FGF14: variants seen among roughly 807,000 people sequenced by gnomAD.
FGF14 encodes the protein fibroblast growth factor homologous factor 4.
In FGF14, 5 loss-of-function variants were observed where a neutral mutation model predicts 25.5. The observed-to-expected ratio is 0.20, with a 90% confidence interval of 0.10 to 0.41. The LOEUF (loss-of-function observed/expected upper bound fraction) is 0.41. Ranked by LOEUF, FGF14 falls within the 10% of genes least tolerant of loss-of-function variation. The pLI is 1.00. For missense variants in FGF14, 222 were observed against 320.1 expected (o/e 0.69, Z 2.34); for synonymous variants, 138 against 118.3 (o/e 1.17, Z -1.08).
At chr13:101,764,260 T>C (rs1342095416) in intron 3 of FGF14, among the ~76,000 whole-genome samples, 1 of 152,116 alleles carries the variant, frequency 6.6e-6, no homozygotes, top group Admixed American at 6.6e-5. Flanking sequence ...CTGCTGGAGG[T>C]CTCTAAGCTT....
At chr13:102,084,691 A>G (rs551044743) in intron 1 of FGF14, among the ~76,000 whole-genome samples, 1 of 152,076 alleles carries the variant, frequency 6.6e-6, no homozygotes, top group Non-Finnish European at 1.5e-5. Flanking sequence ...AAGAATAAAA[A>G]CCCCAGCAAC....
At chr13:102,378,231 C>T (rs1284086897) in intron 1 of FGF14, among the ~76,000 whole-genome samples, 1 of 151,968 alleles carries the variant, frequency 6.6e-6, no homozygotes, top group Non-Finnish European at 1.5e-5. Context: ...GTAGACTCAT[C>T]AGGTGTAACA....
chr13:101,900,321 T>C (rs768530154), intron 1 of FGF14, among the ~76,000 whole-genome samples: 14 of 151,884 alleles, frequency 9.2e-5, no homozygotes, highest in Non-Finnish European at 1.6e-4. Flanking sequence ...TAAAAACAAA[T>C]AATAAAATTA....
chr13:101,755,809 C>T (rs2037609789), intron 3 of FGF14, among the ~76,000 whole-genome samples: 1 of 152,170 alleles, frequency 6.6e-6, no homozygotes. Context: ...AGTTTAGCCC[C>T]ATGTCAGCTT....
intron 3 of FGF14, among the ~76,000 whole-genome samples, chr13:101,749,886 AAT>A (rs2037159137): frequency 6.6e-6 from 1 of 152,166 alleles, no homozygotes; most frequent in East Asian, 1.9e-4. Flanking sequence ...CCCCAAAATT[AAT>A]ATGTTGGAAC....
intron 1 of FGF14, among the ~76,000 whole-genome samples, chr13:102,047,650 A>G (rs953585449): frequency 2.0e-5 from 3 of 152,088 alleles, no homozygotes; most frequent in African/African-American, 7.2e-5. Context: ...GGACACAGGA[A>G]GGGGAACATC....
intron 1 of FGF14, among the ~76,000 whole-genome samples, chr13:101,974,099 T>C (rs1594878270): frequency 6.6e-6 from 1 of 152,220 alleles, no homozygotes; most frequent in Non-Finnish European, 1.5e-5. Context: ...TTGACTTGAG[T>C]TAGCCTCTGC....
At chr13:101,863,223 GAATAA>G (rs1373472852) in intron 3 of FGF14, among the ~76,000 whole-genome samples, 2 of 152,084 alleles carry the variant, frequency 1.3e-5, no homozygotes, top group Non-Finnish European at 2.9e-5. Context: ...AAAAGATAAA[GAATAA>G]AATAATTTCC....
At chr13:101,981,082 AACAC>A (rs58666555) in intron 1 of FGF14, among the ~76,000 whole-genome samples, 7,541 of 123,646 alleles carry the variant, frequency 0.061, 256 homozygotes, top group Non-Finnish European at 0.083. Flanking sequence ...TCTCTACTAA[AACAC>A]ACACACACAC....
intron 1 of FGF14, among the ~76,000 whole-genome samples, chr13:101,938,341 A>G (rs1056719151): frequency 3.9e-5 from 6 of 152,242 alleles, no homozygotes; most frequent in African/African-American, 1.4e-4. Context: ...ACCAAGAATG[A>G]TTTCTCTTTT....
At chr13:101,820,471 G>T (rs896037932) in intron 3 of FGF14, among the ~76,000 whole-genome samples, 3 of 152,126 alleles carry the variant, frequency 2.0e-5, no homozygotes, top group Non-Finnish European at 4.4e-5. Flanking sequence ...CATTCAGGTT[G>T]TGTTTCTGGG....
chr13:101,871,019 A>G (rs999984961), intron 2 of FGF14, among the ~76,000 whole-genome samples: 2 of 152,110 alleles, frequency 1.3e-5, no homozygotes, highest in African/African-American at 4.8e-5. Context: ...ACAAGGTATT[A>G]TAATTTACAG....
intron 1 of FGF14, among the ~76,000 whole-genome samples, chr13:101,957,668 A>G (rs1011232474): frequency 2.0e-5 from 3 of 152,220 alleles, no homozygotes; most frequent in Non-Finnish European, 4.4e-5. Flanking sequence ...TATTATGATT[A>G]GAGCTCATCT....
At chr13:101,939,105 G>A (rs886677837) in intron 1 of FGF14, among the ~76,000 whole-genome samples, 3 of 152,162 alleles carry the variant, frequency 2.0e-5, no homozygotes, top group Non-Finnish European at 4.4e-5. Context: ...GAGCAGATTG[G>A]AAACATCAGA....
intron 1 of FGF14, among the ~76,000 whole-genome samples, chr13:101,876,930 A>G (rs1232456186): frequency 6.6e-6 from 1 of 152,196 alleles, no homozygotes; most frequent in Non-Finnish European, 1.5e-5. Context: ...AGCATGGAAA[A>G]GAAGCGAATA....
At chr13:102,296,686 C>T (rs1350498374) in intron 1 of FGF14, among the ~76,000 whole-genome samples, 3 of 152,122 alleles carry the variant, frequency 2.0e-5, no homozygotes, top group Non-Finnish European at 4.4e-5. Flanking sequence ...CCTTCCAAAC[C>T]ACTTCCCCCA....
chr13:102,189,173 C>T (rs1432841574), intron 1 of FGF14, among the ~76,000 whole-genome samples: 1 of 151,874 alleles, frequency 6.6e-6, no homozygotes, highest in East Asian at 1.9e-4. Flanking sequence ...TGTGAGAATG[C>T]TCATTTGGTT....
intron 1 of FGF14, among the ~76,000 whole-genome samples, chr13:102,074,200 G>C (rs1386212957): frequency 1.3e-5 from 2 of 152,142 alleles, no homozygotes; most frequent in South Asian, 4.1e-4. Context: ...TTTTTGTAGA[G>C]ATGGGGTCTC....
intron 1 of FGF14, among the ~76,000 whole-genome samples, chr13:102,272,662 A>G (rs1220755255): frequency 6.6e-6 from 1 of 152,174 alleles, no homozygotes; most frequent in Admixed American, 6.5e-5. Flanking sequence ...TGCAGTAGAA[A>G]TGGTAGTCAT....
Sources: allele counts gnomAD v4.1 joint callset (sites outside exome capture counted in the v4.1 genomes callset), GRCh38; gene constraint gnomAD v4.1.1; transcripts MANE v1.5; gene names NCBI Gene and HGNC (gene_info 2026-07-23, HGNC 2026-07-21).